Variants in KBTBD11 observed in about 807,000 individuals in gnomAD.
KBTBD11 encodes the protein kelch repeat and BTB domain-containing protein 11.
For synonymous variants in KBTBD11, 747 were observed against 499.0 expected (o/e 1.50, Z -6.63); for missense variants, 1,390 against 1,001.8 (o/e 1.39, Z -5.23).
rs767670675 is a variant in KBTBD11, at chr8:2,002,614, C to T, written c.1422C>T (p.Asp474=). The T allele has an allele frequency of 5.0e-6, 8 of 1,584,188 alleles. No homozygotes were observed. The highest frequency in any genetic ancestry group is 2.3e-5 in the East Asian group (1 of 43,716). ...GSLFYRLLKY[D]PRRDEWQECP... ...TCTTCTATCGCCTGCTCAAGTATGA[C>T]CCGCGGCGCGACGAGTGGCAGGAGT... Residue 474 remains aspartate, a synonymous_variant, in exon 2 of 2, where the codon GAC becomes GAT. Transcript: ENST00000320248. The surrounding 1 kb of genome is among the most constrained non-coding windows in gnomAD (Gnocchi z 4.1).
chr8:1,998,078 C>G (rs1407046746), intron 1 of KBTBD11, among the ~76,000 whole-genome samples: 4 of 152,184 alleles, frequency 2.6e-5, no homozygotes, highest in Non-Finnish European at 4.4e-5. Flanking sequence ...AAATTTGAAA[C>G]TGAAAATGCT....
At position 1,984,087 on chromosome 8, in the gene KBTBD11, G is replaced by T. The variant is rs536217871; in HGVS notation, c.-909+10152G>T. ...AGAGGTTGCAGTGAGCCAAGATCGC[G>T]CCATTGCCTGGGCAACAAGAGCGAC... is the stretch of plus-strand genomic sequence containing the variant. On this transcript the variant is annotated intron_variant, in intron 1 of 1. Transcript: ENST00000320248. 1.7e-3 allele frequency among the ~76,000 whole-genome samples: 257 copies of T among 152,238 alleles called. 1 individual carries two copies. Among genetic ancestry groups the T allele is most frequent in the African/African-American group, 5.8e-3 (241 of 41,560 alleles).
At chr8:1,994,249 G>C (rs999319430) in intron 1 of KBTBD11, among the ~76,000 whole-genome samples, 1 of 152,220 alleles carries the variant, frequency 6.6e-6, no homozygotes, top group Admixed American at 6.5e-5. Context: ...CTGGTGGAGC[G>C]AGGCCGGGCC....
Position 2,003,731 on chromosome 8 carries a change from C to G in KBTBD11, c.*667C>G, listed in dbSNP as rs1351590650. On this transcript the variant is annotated 3_prime_UTR_variant, in exon 2 of 2. Transcript: ENST00000320248. The stretch of plus-strand genomic sequence containing the variant: ...CAAACTCACATGCCTAGAGCAGCTC[C>G]GTCTCACTGTTGGACCGAGGGGGCT... The G allele has an allele frequency of 6.0e-6, 1 of 167,034 alleles. No individual in the cohort carries two copies. The highest frequency in any genetic ancestry group is 2.4e-5 in the African/African-American group (1 of 41,438). The allele number at this position is 167,034 out of a possible 1,614,324, so 10.3% of individuals were successfully genotyped here.
intron 1 of KBTBD11, among the ~76,000 whole-genome samples, chr8:1,997,233 A>G (rs1236570224): frequency 6.6e-6 from 1 of 152,156 alleles, no homozygotes; most frequent in Non-Finnish European, 1.5e-5. Flanking sequence ...AGCCAACCAC[A>G]AAATGGTGGC....
chr8:1,988,490 G>C (rs945446545), intron 1 of KBTBD11, among the ~76,000 whole-genome samples: 1 of 152,230 alleles, frequency 6.6e-6, no homozygotes, highest in African/African-American at 2.4e-5. Flanking sequence ...CAGTGATGGT[G>C]AGCATTTTTT....
At chr8:1,992,835 T>G (rs11136451) in intron 1 of KBTBD11, among the ~76,000 whole-genome samples, 1 of 151,954 alleles carries the variant, frequency 6.6e-6, no homozygotes, top group Non-Finnish European at 1.5e-5. Context: ...TTATTTATTT[T>G]TTTTTTTCAA....
At chr8:1,980,484 C>T (rs1303251147) in intron 1 of KBTBD11, among the ~76,000 whole-genome samples, 2 of 152,218 alleles carry the variant, frequency 1.3e-5, no homozygotes, top group African/African-American at 4.8e-5. Flanking sequence ...CTCGGCCTCC[C>T]AAAGTGCAGG....
rs1817458279 is a variant in KBTBD11 at position 2,003,049 on chromosome 8, G to A, written c.1857G>A (p.Glu619=). ...LSLPEKPPRG[E]QGAP Reference sequence around the variant, plus strand: ...TGCCTGAGAAGCCGCCCCGAGGGGAGCAGGGCGCCCCGTAGGCCGGCGGGG... The same window carrying A: ...TGCCTGAGAAGCCGCCCCGAGGGGAACAGGGCGCCCCGTAGGCCGGCGGGG... The change falls in exon 2 of 2, where the codon GAG becomes GAA. Residue 619 remains glutamate (E), a synonymous_variant. Transcript: ENST00000320248. 8 of 1,268,156 alleles carry A rather than the reference G, an allele frequency of 6.3e-6. No homozygotes were observed. The highest frequency in any genetic ancestry group is 3.0e-4 in the Middle Eastern group (1 of 3,288). The allele number at this position is 1,268,156 out of a possible 1,614,324, so 78.6% of individuals were successfully genotyped here. A position where few individuals can be genotyped will look rare whatever the true frequency, so the allele number is the denominator to read the frequency against.
intron 1 of KBTBD11, among the ~76,000 whole-genome samples, chr8:1,983,276 A>C (rs1485019831): frequency 1.3e-5 from 2 of 152,204 alleles, no homozygotes; most frequent in African/African-American, 2.4e-5. Context: ...TGCTCCAAAA[A>C]GGATGACCTC....
Position 2,002,246 on chromosome 8 carries a change from T to C in KBTBD11, c.1054T>C (p.Cys352Arg). The C allele has an allele frequency of 1.6e-6, 2 of 1,287,742 alleles. No individual in the cohort carries two copies. Among genetic ancestry groups the C allele is most frequent in the Non-Finnish European group, 2.0e-6 (2 of 1,023,844 alleles). The allele number at this position is 1,287,742 out of a possible 1,614,324, so 79.8% of individuals were successfully genotyped here. Residue 352 changes from cysteine to arginine, a missense_variant, in exon 2 of 2, where the codon TGC becomes CGC. Physicochemically the swap from Cys to Arg is radical, Grantham distance 180. Transcript: ENST00000320248. This position sits in a 1 kb window ranked among gnomAD's most constrained non-coding sequence, Gnocchi z 4.1. ...GCCCGAGGGCGCGCCGGCGCGGGGC[T>C]GCGGCCTGTGCGTCCTCTACAACTA... is the stretch of plus-strand genomic sequence containing the variant. ...RLPEGAPARG[C>R]GLCVLYNYLF...
Position 2,002,675 on chromosome 8 carries a change from A to T in KBTBD11, c.1483A>T (p.Met495Leu), listed in dbSNP as rs1427391035. 6.4e-7 allele frequency: 1 copy of T among 1,568,614 alleles called. No individual in the cohort carries two copies. The highest frequency in any genetic ancestry group is 8.6e-7 in the Non-Finnish European group (1 of 1,166,342). Residue 495 changes from methionine to leucine, a missense_variant, in exon 2 of 2, where the codon ATG (methionine) becomes TTG (leucine). Physicochemically the swap from Met to Leu is conservative, Grantham distance 15 (BLOSUM62 2). Coordinates refer to ENST00000320248, the MANE Select transcript of KBTBD11 (RefSeq NM_014867.3). This position sits in a 1 kb window ranked among gnomAD's most constrained non-coding sequence, Gnocchi z 4.1. ...CAGCAGCCGCGAGCGCTCGGCCGAC[A>T]TGGTGGCTCTCGACGGCTTCATCTA... ...CSSSRERSAD[M>L]VALDGFIYRF...
At chr8:1,987,416 C>T (rs1375057600) in intron 1 of KBTBD11, among the ~76,000 whole-genome samples, 2 of 152,244 alleles carry the variant, frequency 1.3e-5, no homozygotes, top group Non-Finnish European at 2.9e-5. Context: ...GGACACAAAG[C>T]AATCTTTCTA....
chr8:1,980,726 C>A (rs145981755), intron 1 of KBTBD11, among the ~76,000 whole-genome samples: 3,130 of 152,292 alleles, frequency 0.021, 86 homozygotes, highest in African/African-American at 0.06. Context: ...CACGCAGCCG[C>A]CAGGGCAGGG....
chr8:1,981,473 T>G (rs960290330), intron 1 of KBTBD11, among the ~76,000 whole-genome samples: 2 of 152,138 alleles, frequency 1.3e-5, no homozygotes, highest in Non-Finnish European at 2.9e-5. Flanking sequence ...ATTAAAACAG[T>G]AAAAGATACT....
Position 1,984,055 on chromosome 8 carries a change from G to T in KBTBD11, c.-909+10120G>T, listed in dbSNP as rs527388309. Among the ~76,000 whole-genome samples, 10 of 152,298 alleles carry T rather than the reference G, an allele frequency of 6.6e-5. No individual in the cohort carries two copies. In the East Asian group the frequency reaches 1.9e-3, roughly 30 times the overall value. The stretch of plus-strand genomic sequence containing the variant: ...TGAAGCAGGAGAATCACTTGAACCT[G>T]GGTGGTAGAGGTTGCAGTGAGCCAA... On this transcript the variant is annotated intron_variant, in intron 1 of 1. Coordinates refer to ENST00000320248, the MANE Select transcript of KBTBD11 (RefSeq NM_014867.3).
intron 1 of KBTBD11, among the ~76,000 whole-genome samples, chr8:1,996,230 G>A (rs1817131989): frequency 6.6e-6 from 1 of 152,176 alleles, no homozygotes. Context: ...GGTCTAACAG[G>A]GTGTGGTGGG....
chr8:2,000,011 C>G (rs2129315764), intron 1 of KBTBD11, among the ~76,000 whole-genome samples: 1 of 152,284 alleles, frequency 6.6e-6, no homozygotes, highest in East Asian at 1.9e-4. Flanking sequence ...CGTGTCAGGC[C>G]TTAATGTTTG....
chr8:1,974,615 C>G (rs908026419), intron 1 of KBTBD11: 3 of 985,242 alleles, frequency 3.0e-6, no homozygotes, highest in African/African-American at 1.7e-5. Context: ...ACCCGCCCCA[C>G]CGCGCCGCGG....
Sources: gnomAD v4.1 joint callset for allele counts (sites outside exome capture counted in the v4.1 genomes callset) on GRCh38, gnomAD v4.1.1 for gene constraint, Gnocchi (gnomAD v3.1) non-coding constraint, MANE v1.5 for transcripts, NCBI Gene and HGNC (gene_info 2026-07-23, HGNC 2026-07-21) for gene names.